SLC12A1: variants seen among roughly 807,000 people sequenced by gnomAD.
The protein encoded by SLC12A1 is solute carrier family 12 member 1.
In SLC12A1, 89 loss-of-function variants were observed where a neutral mutation model predicts 130.4. That is an observed-to-expected ratio of 0.68 (90% CI 0.58 to 0.81). SLC12A1 has a LOEUF of 0.81. Among genes scored for constraint, SLC12A1 ranks in the 40% least tolerant of loss-of-function variants. The pLI, the probability that SLC12A1 is intolerant of heterozygous loss-of-function variation, is 0.00. For missense variants in SLC12A1, 1,310 were observed against 1,336.4 expected (o/e 0.98, Z 0.31); for synonymous variants, 499 against 460.0 (o/e 1.08, Z -1.09).
intron 2 of SLC12A1, among the ~76,000 whole-genome samples, chr15:48,215,184 T>G (rs2141010092): frequency 6.6e-6 from 1 of 152,236 alleles, no homozygotes; most frequent in East Asian, 1.9e-4. Context: ...GATATGTTTC[T>G]GGGGTCTGAA....
intron 13 of SLC12A1, among the ~76,000 whole-genome samples, chr15:48,247,677 G>A (rs1421626872): frequency 6.6e-6 from 1 of 152,218 alleles, no homozygotes; most frequent in East Asian, 1.9e-4. Flanking sequence ...AATCTTGAGT[G>A]TTCGAAATCC....
At chr15:48,285,715 T>G (rs1262734957) in intron 21 of SLC12A1, among the ~76,000 whole-genome samples, 1 of 152,214 alleles carries the variant, frequency 6.6e-6, no homozygotes, top group Admixed American at 6.5e-5. Flanking sequence ...CAAACCAGAA[T>G]GCACGACTTA....
intron 2 of SLC12A1, among the ~76,000 whole-genome samples, chr15:48,208,536 C>T (rs1443014700): frequency 6.6e-6 from 1 of 152,170 alleles, no homozygotes; most frequent in African/African-American, 2.4e-5. Context: ...TGGTCTCGAA[C>T]TCCTGACTTA....
At chr15:48,214,775 T>TAAAA (rs10683144) in intron 2 of SLC12A1, among the ~76,000 whole-genome samples, 15,323 of 152,074 alleles carry the variant, frequency 0.1, 2,100 homozygotes, top group East Asian at 0.39. Flanking sequence ...GGGCTTAGGT[T>TAAAA]AGGTGGAACA....
intron 24 of SLC12A1, among the ~76,000 whole-genome samples, chr15:48,296,417 G>A (rs567110517): frequency 2.0e-5 from 3 of 152,290 alleles, no homozygotes; most frequent in Admixed American, 6.5e-5. Flanking sequence ...AAAAGCTCTT[G>A]TGCTTAAATT....
At chr15:48,255,764 G>T in intron 15 of SLC12A1, 47 bp from the exon 16 acceptor site, 1 of 1,179,752 alleles carries the variant, frequency 8.5e-7, no homozygotes, top group Non-Finnish European at 1.2e-6. Flanking sequence ...ATGGTGCACA[G>T]AGGAAAGGTC....
intron 17 of SLC12A1, among the ~76,000 whole-genome samples, chr15:48,260,077 G>A (rs1329497243): frequency 1.3e-5 from 2 of 151,928 alleles, no homozygotes; most frequent in Non-Finnish European, 1.5e-5. Flanking sequence ...AGACCATGAC[G>A]ATCATGGCAA....
At chr15:48,277,231 G>A (rs745882393) in intron 20 of SLC12A1, among the ~76,000 whole-genome samples, 2 of 151,780 alleles carry the variant, frequency 1.3e-5, no homozygotes, top group Non-Finnish European at 2.9e-5. Flanking sequence ...AGAAAGGGGC[G>A]ACCCACGGAG....
At chr15:48,274,797 T>C in intron 20 of SLC12A1, 144 bp downstream of exon 20, 7 of 558,228 alleles carry the variant, frequency 1.3e-5, no homozygotes, top group Non-Finnish European at 2.2e-5. Flanking sequence ...GTAGTGCATA[T>C]AGTTCCCCCA....
intron 17 of SLC12A1, among the ~76,000 whole-genome samples, chr15:48,263,687 A>T (rs1250781748): frequency 6.7e-6 from 1 of 150,134 alleles, no homozygotes; most frequent in East Asian, 1.9e-4. Flanking sequence ...CTTTATTTTT[A>T]TTTATTTATT....
rs2042207239 is a variant in SLC12A1, at chr15:48,299,195, G to T, written c.3016G>T (p.Asp1006Tyr). The T allele has an allele frequency of 1.2e-6, 2 of 1,608,338 alleles. No individual in the cohort carries two copies. The highest frequency in any genetic ancestry group is 1.7e-6 in the Non-Finnish European group (2 of 1,178,308). Residue 1006 changes from aspartate to tyrosine, a missense_variant, in exon 25 of 27, where the codon GAT becomes TAT. Transcript: ENST00000380993. ...EPYRLHESCK[D>Y]LTTAEKLKRE... ...ATATCGTCTCCATGAAAGCTGCAAA[G>T]ATTTAACAACTGCTGAGAAATTAAA...
chr15:48,274,601 T>C lies in SLC12A1; in HGVS notation c.2433T>C (p.Val811=), dbSNP rs1186443957. 1 of 1,613,118 alleles carries C rather than the reference T, an allele frequency of 6.2e-7. No individual in the cohort carries two copies. Among genetic ancestry groups the C allele is most frequent in the Non-Finnish European group, 8.5e-7 (1 of 1,179,538 alleles). The change falls in exon 20 of 27, where the codon GTT becomes GTC. Residue 811 remains valine (V), a synonymous_variant. Coordinates refer to ENST00000380993, the MANE Select transcript of SLC12A1 (RefSeq NM_000338.3). ...HDAFDFEIGV[V]IVRISQGFDI... is the part of the protein sequence containing the mutation. ...CATTTGATTTTGAGATTGGCGTGGT[T>C]ATAGTCAGAATCAGCCAAGGATTTG...
At chr15:48,293,286 A>G (rs1306866170) in intron 24 of SLC12A1, among the ~76,000 whole-genome samples, 4 of 152,272 alleles carry the variant, frequency 2.6e-5, no homozygotes, top group Admixed American at 2.6e-4. Flanking sequence ...TTTAAAAACC[A>G]TGGCCAATTA....
chr15:48,275,572 G>A (rs1193578692), intron 20 of SLC12A1, among the ~76,000 whole-genome samples: 1 of 152,194 alleles, frequency 6.6e-6, no homozygotes, highest in Non-Finnish European at 1.5e-5. Context: ...TGCACTGGAT[G>A]AGTAGGAGTT....
At chr15:48,276,448 A>G (rs1055693354) in intron 20 of SLC12A1, among the ~76,000 whole-genome samples, 3 of 152,162 alleles carry the variant, frequency 2.0e-5, no homozygotes, top group African/African-American at 7.2e-5. Context: ...AAATTAGGTT[A>G]TTTGGGTGGG....
intron 19 of SLC12A1, among the ~76,000 whole-genome samples, chr15:48,271,727 C>T (rs765275271): frequency 1.3e-5 from 2 of 152,194 alleles, no homozygotes; most frequent in African/African-American, 4.8e-5. Context: ...CATCTGGCTC[C>T]TGCTGGTGTT....
At chr15:48,214,173 TC>T (rs376930429) in intron 2 of SLC12A1, among the ~76,000 whole-genome samples, 1 of 152,186 alleles carries the variant, frequency 6.6e-6, no homozygotes, top group African/African-American at 2.4e-5. Flanking sequence ...GGAGTGAACC[TC>T]TGCAACTAAG....
At chr15:48,282,627 C>T (rs925135625) in intron 20 of SLC12A1, among the ~76,000 whole-genome samples, 4 of 152,170 alleles carry the variant, frequency 2.6e-5, no homozygotes, top group African/African-American at 4.8e-5. Context: ...AGGATGCCGT[C>T]ATCCAGGACA....
intron 5 of SLC12A1, chr15:48,227,095 C>T (rs998219588): frequency 4.5e-6 from 7 of 1,551,918 alleles, no homozygotes; most frequent in Non-Finnish European, 1.7e-6. Context: ...GAGTCATCAT[C>T]ATTGGCCTAA....
Sources: gnomAD v4.1 joint callset for allele counts (sites outside exome capture counted in the v4.1 genomes callset) on GRCh38, gnomAD v4.1.1 for gene constraint, MANE v1.5 for transcripts, NCBI Gene and HGNC (gene_info 2026-07-23, HGNC 2026-07-21) for gene names.